Variants in C1QTNF5 observed in about 807,000 individuals in gnomAD.
C1QTNF5 encodes complement C1q tumor necrosis factor-related protein 5.
In C1QTNF5, 5 loss-of-function variants were observed where a neutral mutation model predicts 10.9. The observed-to-expected ratio is 0.46, with a 90% CI of 0.24 to 0.97. The LOEUF is 0.97. C1QTNF5 is among the 50% of genes least tolerant of loss of function. The pLI, the probability that C1QTNF5 is intolerant of heterozygous loss-of-function variation, is 0.19. For synonymous variants in C1QTNF5, 161 were observed against 156.5 expected, an observed-to-expected ratio of 1.03 and a Z score of -0.22; for missense variants, 281 against 339.4, an observed-to-expected ratio of 0.83 and a Z score of 1.35.
chr11:119,340,583 C>T (rs575618437), intron 1 of C1QTNF5, 112 bp downstream of exon 1: 4 of 620,814 alleles, frequency 6.4e-6, no homozygotes, highest in African/African-American at 2.0e-5. Context: ...CCGGAGAGCA[C>T]AGGCAGGCGC....
rs1565291017 is a variant in C1QTNF5 at position 119,339,766 on chromosome 11, C to G, written c.297G>C (p.Ser99=). Residue 99 remains serine (S), a synonymous_variant, in exon 3 of 3, where the codon TCG becomes TCC. Transcript: ENST00000528368. This position sits in a 1 kb window ranked among gnomAD's most constrained non-coding sequence, Gnocchi z 5.4. The part of the protein sequence containing the change: ...AGPTGPAGEC[S]VPPRSAFSAK... ...CGCTGAAGGCGGATCGCGGAGGCAC[C>G]GAGCACTCCCCGGCAGGCCCGGTGG... 1.3e-6 allele frequency: 2 copies of G among 1,578,104 alleles called. No individual in the cohort carries two copies. The highest frequency in any genetic ancestry group is 1.7e-6 in the Non-Finnish European group (2 of 1,169,676).
upstream of C1QTNF5, chr11:119,344,629 T>C: frequency 6.2e-7 from 1 of 1,614,028 alleles, no homozygotes; most frequent in Non-Finnish European, 8.5e-7. Flanking sequence ...GCCTGGCCCG[T>C]ACCCGAGAAC....
upstream of C1QTNF5, chr11:119,345,891 G>C (rs767087902): frequency 2.0e-5 from 32 of 1,613,632 alleles, no homozygotes; most frequent in Non-Finnish European, 2.5e-5. Context: ...CAGGCAGTGG[G>C]CTATGGGACG....
upstream of C1QTNF5, chr11:119,344,650 A>G (rs1950540925): frequency 3.1e-6 from 5 of 1,614,060 alleles, no homozygotes; most frequent in Non-Finnish European, 4.2e-6. Context: ...TTGGCACTGC[A>G]ATTGGTCTCA....
upstream of C1QTNF5, chr11:119,340,927 T>C (rs1950497182): frequency 6.0e-6 from 1 of 167,828 alleles, no homozygotes; most frequent in African/African-American, 2.4e-5. Flanking sequence ...GGGAAATAAC[T>C]CGTGGTGTCG....
rs567782248 is a variant in C1QTNF5 at position 119,339,240 on chromosome 11, T to A, written c.*91A>T. The A allele has an allele frequency of 5.5e-5, 79 of 1,441,316 alleles. No homozygotes were observed. In the African/African-American group the frequency reaches 1.1e-3, roughly 20 times the overall value. 89.3% of individuals were successfully genotyped at this position (1,441,316 alleles called of 1,614,324 possible). A position where few individuals can be genotyped will look rare whatever the true frequency, so the allele number is the denominator to read the frequency against. ...CCACCTCCCTAGTCATTCACAATAT[T>A]CCAGGGGGGCCAGCCCTCCTGGATG... On this transcript the variant is annotated 3_prime_UTR_variant, in exon 3 of 3. Transcript: ENST00000528368. This position sits in a 1 kb window ranked among gnomAD's most constrained non-coding sequence, Gnocchi z 5.4.
upstream of C1QTNF5, chr11:119,345,814 T>C (rs1394629038): frequency 2.5e-6 from 4 of 1,613,850 alleles, no homozygotes; most frequent in Admixed American, 6.7e-5. Context: ...CTGCTGCCCT[T>C]TAGGGGTCCC....
Position 119,339,347 on chromosome 11 carries a change from G to C in C1QTNF5, c.716C>G (p.Ser239Cys). ...CAGTGGGCACTAAGCAAAGACTGGG[G>C]AGCTGTGCCAGTCGGAGTACACCAG... Reference protein sequence around the residue: ...GFLVYSDWHSSPVFA With the variant: ...GFLVYSDWHSCPVFA Residue 239 changes from serine to cysteine, a missense_variant, in exon 3 of 3, where the codon TCC (serine) becomes TGC (cysteine). By Grantham distance (112) the Ser-to-Cys change is moderately radical. Coordinates refer to ENST00000528368, the MANE Select transcript of C1QTNF5 (RefSeq NM_001278431.2). The surrounding 1 kb of genome is among the most constrained non-coding windows in gnomAD (Gnocchi z 5.4). 1 of 1,613,002 alleles carries C rather than the reference G, an allele frequency of 6.2e-7. No homozygotes were observed. Among genetic ancestry groups the C allele is most frequent in the Non-Finnish European group, 8.5e-7 (1 of 1,179,370 alleles).
At chr11:119,345,807 C>G, upstream of C1QTNF5, 1 of 1,613,876 alleles carries the variant, frequency 6.2e-7, no homozygotes. Flanking sequence ...CTGACTCCTG[C>G]TGCCCTTTAG....
the C1QTNF5 span, chr11:119,346,257 C>A: frequency 6.2e-7 from 1 of 1,601,592 alleles, no homozygotes; most frequent in African/African-American, 1.3e-5. Context: ...CCAGGTCACC[C>A]CCTGGGATGG....
At chr11:119,341,622 G>GT (rs766376249), upstream of C1QTNF5, 1 of 1,612,968 alleles carries the variant, frequency 6.2e-7, no homozygotes, top group Non-Finnish European at 8.5e-7. Context: ...GGGGTGCCCA[G>GT]TAGTGCCAGG....
intron 2 of C1QTNF5, 123 bp downstream of exon 2, chr11:119,340,061 G>T: frequency 1.5e-6 from 2 of 1,317,250 alleles, no homozygotes; most frequent in Non-Finnish European, 2.0e-6. Context: ...CCCCGCTCAG[G>T]GCTGCAAAGC....
At chr11:119,342,016 G>A, upstream of C1QTNF5, 1 of 1,612,236 alleles carries the variant, frequency 6.2e-7, no homozygotes, top group South Asian at 1.1e-5. Flanking sequence ...CCACTGTGGG[G>A]ACTGCTCACT....
intron 1 of C1QTNF5, 54 bp from the exon 2 acceptor site, chr11:119,340,494 C>T (rs1950491768): frequency 7.5e-7 from 1 of 1,329,500 alleles, no homozygotes; most frequent in Non-Finnish European, 1.0e-6. Flanking sequence ...ACCTGCCTCT[C>T]TCCCCACCCC....
At chr11:119,344,941 G>A (rs34190279), upstream of C1QTNF5, 238 of 1,610,698 alleles carry the variant, frequency 1.5e-4, 2 homozygotes, top group Non-Finnish European at 1.8e-4. Flanking sequence ...TGTCAGAGAC[G>A]AAGACCACCA....
chr11:119,342,130 T>C, upstream of C1QTNF5: 1 of 978,800 alleles, frequency 1.0e-6, no homozygotes. Context: ...AGAGACAGGC[T>C]GTACACACTC....
upstream of C1QTNF5, chr11:119,345,153 TG>T: frequency 9.5e-7 from 1 of 1,056,662 alleles, no homozygotes; most frequent in Non-Finnish European, 1.4e-6. Flanking sequence ...CAGGGAGCTC[TG>T]ACCTTCCTAG....
At chr11:119,346,430 C>T in the C1QTNF5 span, 36 of 1,613,798 alleles carry the variant, frequency 2.2e-5, no homozygotes, top group African/African-American at 3.7e-4. Context: ...GGTGCTGGGT[C>T]TTAGGAGCAC....
upstream of C1QTNF5, chr11:119,341,923 G>A (rs922452001): frequency 6.2e-7 from 1 of 1,613,940 alleles, no homozygotes; most frequent in Non-Finnish European, 8.5e-7. Context: ...TGTTAGGGAA[G>A]GCTGTGGTGT....
Sources: gnomAD v4.1 joint callset for allele counts on GRCh38, gnomAD v4.1.1 for gene constraint, Gnocchi (gnomAD v3.1) non-coding constraint, MANE v1.5 for transcripts, NCBI Gene and HGNC (gene_info 2026-07-23, HGNC 2026-07-21) for gene names.